TACC2: variants seen among roughly 807,000 people sequenced by gnomAD.
The protein encoded by TACC2 is transforming acidic coiled-coil containing protein 2, also known as transforming acidic coiled-coil-containing protein 2.
A neutral mutation model predicts 227.3 loss-of-function variants in TACC2; 137 were observed. The observed-to-expected ratio is 0.60, with a 90% confidence interval of 0.52 to 0.69. The LOEUF is 0.69. TACC2 is among the 30% of genes least tolerant of loss of function. The probability of loss-of-function intolerance (pLI) is 0.00; values close to 1 mark genes in which losing one functional copy is unlikely to be tolerated. For missense variants in TACC2, 3,470 were observed against 3,694.4 expected, an observed-to-expected ratio of 0.94 and a Z score of 1.57; for synonymous variants, 1,523 against 1,487.5, an observed-to-expected ratio of 1.02 and a Z score of -0.55.
chr10:122,125,141 C>T (rs200983320), intron 5 of TACC2, among the ~76,000 whole-genome samples: 2 of 152,116 alleles, frequency 1.3e-5, no homozygotes, highest in East Asian at 3.9e-4. Flanking sequence ...TATGTCATGC[C>T]CCCAGACTCT....
chr10:122,170,391 C>G (rs1326758018), intron 7 of TACC2, among the ~76,000 whole-genome samples: 3 of 151,318 alleles, frequency 2.0e-5, no homozygotes, highest in African/African-American at 4.9e-5. Context: ...CTGCCTCAGC[C>G]TCCCAAGTAG....
intron 19 of TACC2, chr10:122,247,557 C>A (rs912100701): frequency 2.0e-5 from 3 of 152,220 alleles, no homozygotes; most frequent in African/African-American, 7.2e-5. Flanking sequence ...AAATGATTTT[C>A]TAAGCAGCCA....
At chr10:122,073,129 ATATATAT>A (rs2078322433) in intron 3 of TACC2, among the ~76,000 whole-genome samples, 29 of 55,744 alleles carry the variant, frequency 5.2e-4, no homozygotes, top group African/African-American at 9.3e-4. Context: ...AAAAAAAAAT[ATATATAT>A]ATATATATAT....
chr10:122,159,089 C>T (rs920713779), intron 7 of TACC2, among the ~76,000 whole-genome samples: 2 of 152,130 alleles, frequency 1.3e-5, no homozygotes, highest in African/African-American at 2.4e-5. Context: ...GGGAGCAGAC[C>T]CCTCCAGGGA....
At chr10:122,110,662 A>G (rs2083481647) in intron 5 of TACC2, among the ~76,000 whole-genome samples, 1 of 152,136 alleles carries the variant, frequency 6.6e-6, no homozygotes, top group African/African-American at 2.4e-5. Context: ...GCAGTGAATG[A>G]CCTTAGACTC....
chr10:122,131,177 CAAAAAAAA>C (rs10572276), intron 5 of TACC2, among the ~76,000 whole-genome samples: 3 of 95,272 alleles, frequency 3.1e-5, no homozygotes, highest in Non-Finnish European at 6.5e-5. Flanking sequence ...GACGCTTTCT[CAAAAAAAA>C]AAAAAAAAAA....
chr10:122,213,313 C>T, intron 9 of TACC2: 6 of 1,607,656 alleles, frequency 3.7e-6, no homozygotes, highest in Middle Eastern at 1.7e-4. Context: ...TTCTGTCTGT[C>T]TCTCTTTTTC....
At chr10:122,009,415 A>T (rs1350378801) in intron 1 of TACC2, among the ~76,000 whole-genome samples, 2 of 152,004 alleles carry the variant, frequency 1.3e-5, no homozygotes, top group East Asian at 3.9e-4. Context: ...GAGGCAGGAG[A>T]ATCGCTCAAA....
At chr10:122,161,045 C>T (rs2092788690) in intron 7 of TACC2, among the ~76,000 whole-genome samples, 1 of 152,136 alleles carries the variant, frequency 6.6e-6, no homozygotes, top group Non-Finnish European at 1.5e-5. Flanking sequence ...TGGACTCAAG[C>T]ACATCAGCCT....
chr10:122,212,381 C>T (rs2095313174), intron 9 of TACC2, among the ~76,000 whole-genome samples: 1 of 152,174 alleles, frequency 6.6e-6, no homozygotes, highest in Non-Finnish European at 1.5e-5. Flanking sequence ...AGCCATTGGT[C>T]CTTGGCTCTA....
At chr10:122,217,056 G>A (rs954135981) in intron 11 of TACC2, 1 of 825,564 alleles carries the variant, frequency 1.2e-6, no homozygotes. Flanking sequence ...GAGCCAGCAC[G>A]GTGCCCTCTA....
chr10:122,246,804 C>CCTA (rs1423863576), intron 19 of TACC2: 1 of 152,264 alleles, frequency 6.6e-6, no homozygotes, highest in Non-Finnish European at 1.5e-5. Flanking sequence ...CGCTGATACA[C>CCTA]CAGCATAGGC....
chr10:122,055,487 C>T (rs10887059), intron 3 of TACC2, among the ~76,000 whole-genome samples: 32,430 of 152,052 alleles, frequency 0.21, 3,559 homozygotes, highest in East Asian at 0.32. Context: ...CATGTTCTCA[C>T]TTATAAGGGG....
At chr10:122,203,377 C>A (rs1308546327) in intron 8 of TACC2, among the ~76,000 whole-genome samples, 2 of 149,110 alleles carry the variant, frequency 1.3e-5, no homozygotes, top group Non-Finnish European at 3.0e-5. Context: ...CTGACCCCCC[C>A]ACCTCCCTCC....
chr10:122,148,553 G>C (rs1592615968), intron 7 of TACC2, among the ~76,000 whole-genome samples: 1 of 152,264 alleles, frequency 6.6e-6, no homozygotes, highest in Admixed American at 6.5e-5. Flanking sequence ...CATATCTGTG[G>C]CTTTGTCTTC....
At position 121,992,561 on chromosome 10, in the gene TACC2, G is replaced by A. The variant is rs1183808176; in HGVS notation, c.-46+3073G>A. Among the ~76,000 whole-genome samples, 3 of 152,268 alleles carry A rather than the reference G, an allele frequency of 2.0e-5. No homozygotes were observed. The East Asian group carries it at 5.8e-4, about 29-fold the overall frequency. ...TACATCATCATGATTAAGTCATGCTGGGCCTATGAAGAAGGTGGAGTGTGG... is the reference window on the plus strand; with the variant it reads ...TACATCATCATGATTAAGTCATGCTAGGCCTATGAAGAAGGTGGAGTGTGG... On this transcript the variant is annotated intron_variant, in intron 1 of 22. Transcript: ENST00000369005.
At chr10:122,057,525 G>C (rs973815617) in intron 3 of TACC2, among the ~76,000 whole-genome samples, 1 of 152,100 alleles carries the variant, frequency 6.6e-6, no homozygotes, top group Non-Finnish European at 1.5e-5. Context: ...AAGTTTGGCC[G>C]GGCACGGTGG....
At position 122,211,067 on chromosome 10, in the gene TACC2, C is replaced by A. The variant is rs771776690; in HGVS notation, c.6642C>A (p.Val2214=). 1.9e-6 allele frequency: 3 copies of A among 1,611,402 alleles called. No individual in the cohort carries two copies. The African/African-American group carries it at 4.0e-5, about 22-fold the overall frequency. The change falls in exon 9 of 23, where the codon GTC becomes GTA. Residue 2214 remains valine (V), a synonymous_variant. Transcript: ENST00000369005. ...PLDSESAEGV[V]PPASGGGRVQ... ...ACTCAGAGAGTGCAGAAGGGGTTGTCCCCCCGGCTTCTGGAGGTGGCAGAG... is the reference window on the plus strand; with the variant it reads ...ACTCAGAGAGTGCAGAAGGGGTTGTACCCCCGGCTTCTGGAGGTGGCAGAG...
At chr10:122,197,746 A>T (rs971282774) in intron 8 of TACC2, among the ~76,000 whole-genome samples, 6 of 152,196 alleles carry the variant, frequency 3.9e-5, no homozygotes, top group African/African-American at 1.4e-4. Flanking sequence ...TACACTCAGG[A>T]GACTTACGGT....
Sources: gnomAD v4.1 joint callset for allele counts (sites outside exome capture counted in the v4.1 genomes callset) on GRCh38, gnomAD v4.1.1 for gene constraint, MANE v1.5 for transcripts, NCBI Gene and HGNC (gene_info 2026-07-23, HGNC 2026-07-21) for gene names.